ATRNL1: variants seen among roughly 807,000 people sequenced by gnomAD.
ATRNL1 encodes the protein attractin-like protein 1.
In ATRNL1, 95 loss-of-function variants were observed where a neutral mutation model predicts 182.7. The observed-to-expected ratio is 0.52, with a 90% confidence interval of 0.44 to 0.62. ATRNL1 has a LOEUF of 0.62. Among genes scored for constraint, ATRNL1 ranks in the 20% least tolerant of loss-of-function variants. The pLI is 0.00. For synonymous variants in ATRNL1, 576 were observed against 568.3 expected (o/e 1.01, Z -0.19); for missense variants, 1,471 against 1,679.5 (o/e 0.88, Z 2.17).
chr10:115,921,680 G>C (rs1953068268), intron 28 of ATRNL1, among the ~76,000 whole-genome samples: 2 of 152,180 alleles, frequency 1.3e-5, no homozygotes, highest in African/African-American at 4.8e-5. Flanking sequence ...AAGTAGTAGA[G>C]ACACCTAAGT....
chr10:115,661,879 T>C (rs1860711045), intron 26 of ATRNL1, among the ~76,000 whole-genome samples: 1 of 151,958 alleles, frequency 6.6e-6, no homozygotes, highest in African/African-American at 2.4e-5. Context: ...CATTACCTCG[T>C]TATTTAACAC....
intron 28 of ATRNL1, among the ~76,000 whole-genome samples, chr10:115,870,130 A>G (rs1555105749): frequency 6.6e-6 from 1 of 152,218 alleles, no homozygotes; most frequent in African/African-American, 2.4e-5. Flanking sequence ...ACATATTGCT[A>G]AATTGTTTTT....
At chr10:115,166,790 T>C (rs1554884464) in intron 7 of ATRNL1, among the ~76,000 whole-genome samples, 1 of 152,054 alleles carries the variant, frequency 6.6e-6, no homozygotes, top group Non-Finnish European at 1.5e-5. Context: ...TTATATATTA[T>C]GGTATTAACA....
chr10:115,503,604 A>T (rs2133642800), intron 24 of ATRNL1, among the ~76,000 whole-genome samples: 1 of 152,216 alleles, frequency 6.6e-6, no homozygotes, highest in South Asian at 2.1e-4. Flanking sequence ...GTAGTGTATG[A>T]GTGTTTTTGT....
chr10:115,582,334 T>G (rs1449381523), intron 26 of ATRNL1, among the ~76,000 whole-genome samples: 12 of 144,850 alleles, frequency 8.3e-5, no homozygotes, highest in African/African-American at 3.0e-4. Context: ...ACTTCCACAA[T>G]GGTTGAACTA....
intron 27 of ATRNL1, among the ~76,000 whole-genome samples, chr10:115,779,808 CAT>C (rs200425098): frequency 0.012 from 1,805 of 152,212 alleles, 21 homozygotes; most frequent in Middle Eastern, 0.037. Context: ...TGGTACAAAA[CAT>C]ATAGAAAATG....
rs532084069 is a variant in ATRNL1 at position 115,805,970 on chromosome 10, T to G, written c.3904-41907T>G. Among the ~76,000 whole-genome samples, 4 of 152,294 alleles carry G rather than the reference T, an allele frequency of 2.6e-5. No individual in the cohort carries two copies. The South Asian group carries it at 8.3e-4, about 32-fold the overall frequency. ...AAGCCATCAGAAACATTTAAAAGTT[T>G]TATAGTACAGTATTTTAAAGTTTAC... On this transcript the variant is annotated intron_variant, in intron 27 of 28. Coordinates refer to ENST00000355044, the MANE Select transcript of ATRNL1 (RefSeq NM_207303.4).
intron 28 of ATRNL1, among the ~76,000 whole-genome samples, chr10:115,881,512 C>G (rs1271250139): frequency 6.6e-6 from 1 of 152,164 alleles, no homozygotes; most frequent in Non-Finnish European, 1.5e-5. Context: ...CTTACCTAAC[C>G]AAAATATTGA....
At chr10:115,306,281 C>G (rs1853725415) in intron 17 of ATRNL1, among the ~76,000 whole-genome samples, 1 of 152,098 alleles carries the variant, frequency 6.6e-6, no homozygotes, top group Non-Finnish European at 1.5e-5. Flanking sequence ...TTCATTTTCA[C>G]TTGAATGATA....
intron 26 of ATRNL1, among the ~76,000 whole-genome samples, chr10:115,571,597 T>C (rs1555003479): frequency 6.6e-6 from 1 of 152,176 alleles, no homozygotes; most frequent in Non-Finnish European, 1.5e-5. Context: ...CATTTTTTGC[T>C]TGTGTAATTT....
chr10:115,665,788 G>A (rs1860965898), intron 26 of ATRNL1, among the ~76,000 whole-genome samples: 1 of 152,148 alleles, frequency 6.6e-6, no homozygotes, highest in South Asian at 2.1e-4. Context: ...GAATAAGGCA[G>A]ACATTGGACC....
chr10:115,326,473 A>G (rs1318379199), intron 18 of ATRNL1, among the ~76,000 whole-genome samples: 1 of 152,174 alleles, frequency 6.6e-6, no homozygotes, highest in Non-Finnish European at 1.5e-5. Context: ...GCTCATGGGT[A>G]GGAAGAATCA....
intron 18 of ATRNL1, among the ~76,000 whole-genome samples, chr10:115,325,856 T>C (rs1854846182): frequency 6.6e-6 from 1 of 152,170 alleles, no homozygotes; most frequent in Non-Finnish European, 1.5e-5. Flanking sequence ...ATGTTAGATA[T>C]GAGTGCTAAA....
intron 26 of ATRNL1, among the ~76,000 whole-genome samples, chr10:115,583,894 A>G (rs1455152966): frequency 1.3e-5 from 2 of 151,408 alleles, no homozygotes; most frequent in Non-Finnish European, 3.0e-5. Flanking sequence ...GGTTTGTCAT[A>G]GACAGCTCTT....
chr10:115,917,868 A>G (rs1274470218), intron 28 of ATRNL1, among the ~76,000 whole-genome samples: 2 of 152,200 alleles, frequency 1.3e-5, no homozygotes, highest in Non-Finnish European at 2.9e-5. Context: ...TAGGGGCAAC[A>G]AAAGTCACTG....
chr10:115,676,655 A>G (rs1390063300), intron 26 of ATRNL1, among the ~76,000 whole-genome samples: 2 of 151,958 alleles, frequency 1.3e-5, no homozygotes, highest in African/African-American at 4.8e-5. Context: ...CTAACATCTA[A>G]TGTCTAATTT....
At chr10:115,902,013 C>T (rs558355747) in intron 28 of ATRNL1, among the ~76,000 whole-genome samples, 20 of 152,240 alleles carry the variant, frequency 1.3e-4, no homozygotes, top group African/African-American at 4.1e-4. Flanking sequence ...TTCTTTTTCA[C>T]ATTTGCACGC....
chr10:115,469,535 T>A (rs1348055071), intron 24 of ATRNL1, among the ~76,000 whole-genome samples: 1 of 150,592 alleles, frequency 6.6e-6, no homozygotes, highest in Non-Finnish European at 1.5e-5. Flanking sequence ...ACTCTATACT[T>A]AAATTTTTCA....
intron 24 of ATRNL1, among the ~76,000 whole-genome samples, chr10:115,475,556 C>T (rs1240751505): frequency 6.6e-6 from 1 of 151,270 alleles, no homozygotes; most frequent in African/African-American, 2.4e-5. Flanking sequence ...ATTTGTCTTT[C>T]CCATATTTGT....
Sources: gnomAD v4.1 joint callset for allele counts (sites outside exome capture counted in the v4.1 genomes callset) on GRCh38, gnomAD v4.1.1 for gene constraint, MANE v1.5 for transcripts, NCBI Gene and HGNC (gene_info 2026-07-23, HGNC 2026-07-21) for gene names.